The following COL28A1 variants were observed in gnomAD, a reference collection of about 807,000 sequenced individuals.
The protein encoded by COL28A1 is collagen alpha-1(XXVIII) chain.
COL28A1 carries 161 observed loss-of-function variants against 150.2 expected under a neutral mutation model. The observed-to-expected ratio is 1.07, with a 90% CI of 0.94 to 1.22. The LOEUF is 1.22. Among genes scored for constraint, COL28A1 ranks in the 50% most tolerant of loss-of-function variants. The probability of loss-of-function intolerance (pLI) is 0.00; values close to 1 mark genes in which losing one functional copy is unlikely to be tolerated. For missense variants in COL28A1, 1,617 were observed against 1,388.3 expected, an observed-to-expected ratio of 1.16 and a Z score of -2.62; for synonymous variants, 552 against 469.7, an observed-to-expected ratio of 1.18 and a Z score of -2.26.
chr7:7,516,202 T>C (rs1227527258), intron 7 of COL28A1, among the ~76,000 whole-genome samples: 2 of 152,234 alleles, frequency 1.3e-5, no homozygotes, highest in African/African-American at 4.8e-5. Context: ...TTTTAAACTA[T>C]GAACTATTGC....
chr7:7,494,706 G>C (rs1440002535), intron 11 of COL28A1, among the ~76,000 whole-genome samples: 1 of 152,170 alleles, frequency 6.6e-6, no homozygotes, highest in African/African-American at 2.4e-5. Context: ...CCTGCACTTT[G>C]CAGAAGCTTA....
At chr7:7,528,043 C>T (rs1782127516) in intron 3 of COL28A1, among the ~76,000 whole-genome samples, 1 of 152,050 alleles carries the variant, frequency 6.6e-6, no homozygotes, top group Admixed American at 6.5e-5. Context: ...ATTAAGAAAG[C>T]ATAGGATTCT....
intron 3 of COL28A1, among the ~76,000 whole-genome samples, chr7:7,528,633 C>A (rs1489997634): frequency 1.3e-5 from 2 of 152,086 alleles, no homozygotes; most frequent in African/African-American, 4.8e-5. Context: ...GTACAAGAAG[C>A]CTGACACAAA....
intron 15 of COL28A1, among the ~76,000 whole-genome samples, chr7:7,460,932 G>A (rs534538323): frequency 4.1e-4 from 63 of 152,180 alleles, no homozygotes; most frequent in African/African-American, 1.3e-3. Context: ...GCTCCCACTC[G>A]GATGGAAAGA....
intron 15 of COL28A1, among the ~76,000 whole-genome samples, chr7:7,460,043 C>T (rs894438352): frequency 5.9e-5 from 9 of 152,232 alleles, no homozygotes; most frequent in Non-Finnish European, 1.3e-4. Context: ...AATACTCAAT[C>T]CTAAACTTAT....
intron 27 of COL28A1, among the ~76,000 whole-genome samples, chr7:7,400,461 A>G (rs1394909923): frequency 3.3e-5 from 5 of 152,218 alleles, no homozygotes; most frequent in African/African-American, 1.2e-4. Context: ...AGAAGCTGGA[A>G]AAAACTAGGA....
At chr7:7,398,768 A>T (rs1254420180) in intron 27 of COL28A1, among the ~76,000 whole-genome samples, 1 of 152,170 alleles carries the variant, frequency 6.6e-6, no homozygotes, top group African/African-American at 2.4e-5. Context: ...CCTTTATGAC[A>T]GTTGACTCTG....
chr7:7,496,551 C>CT (rs142031621), intron 11 of COL28A1, among the ~76,000 whole-genome samples: 34 of 151,432 alleles, frequency 2.2e-4, no homozygotes, highest in Admixed American at 5.3e-4. Flanking sequence ...CACAATTAAT[C>CT]TTTTTTTTTA....
At chr7:7,533,580 A>G (rs1036557447) in intron 1 of COL28A1, among the ~76,000 whole-genome samples, 1 of 152,168 alleles carries the variant, frequency 6.6e-6, no homozygotes, top group Non-Finnish European at 1.5e-5. Context: ...CTTAAAAGCA[A>G]CACTCTTCTT....
intron 20 of COL28A1, among the ~76,000 whole-genome samples, 192 bp downstream of exon 20, chr7:7,443,393 G>C (rs1016361254): frequency 6.6e-6 from 1 of 151,796 alleles, no homozygotes; most frequent in African/African-American, 2.4e-5. Context: ...TCTTACAATA[G>C]ACGTTAGGAA....
chr7:7,485,860 T>C (rs1431677893), intron 13 of COL28A1, among the ~76,000 whole-genome samples: 1 of 152,190 alleles, frequency 6.6e-6, no homozygotes, highest in African/African-American at 2.4e-5. Flanking sequence ...TGTACCTATA[T>C]AATAAATCTT....
At chr7:7,383,992 C>T (rs1178208235) in intron 27 of COL28A1, among the ~76,000 whole-genome samples, 2 of 152,100 alleles carry the variant, frequency 1.3e-5, no homozygotes, top group Admixed American at 1.3e-4. Context: ...TTTTCACACA[C>T]CCATCCCTAA....
At chr7:7,528,467 A>G (rs1349420020) in intron 3 of COL28A1, among the ~76,000 whole-genome samples, 4 of 152,200 alleles carry the variant, frequency 2.6e-5, no homozygotes, top group Non-Finnish European at 5.9e-5. Flanking sequence ...GGCATCAAGG[A>G]ATTTGCAATG....
chr7:7,432,777 C>T (rs1350357388), intron 23 of COL28A1, 77 bp from the exon 24 acceptor site: 2 of 1,057,550 alleles, frequency 1.9e-6, no homozygotes, highest in Non-Finnish European at 1.5e-6. Context: ...ATAACACCAA[C>T]TCAATATGCC....
chr7:7,440,414 C>T (rs894315565), intron 21 of COL28A1, among the ~76,000 whole-genome samples: 1 of 152,174 alleles, frequency 6.6e-6, no homozygotes, highest in Non-Finnish European at 1.5e-5. Flanking sequence ...CAAAGAAGAG[C>T]CTTCATCATC....
chr7:7,460,387 GT>G (rs887745813), intron 15 of COL28A1, among the ~76,000 whole-genome samples: 37 of 145,034 alleles, frequency 2.6e-4, no homozygotes, highest in East Asian at 8.0e-4. Flanking sequence ...GTTTTTTGTT[GT>G]TTTTTTTTTT....
chr7:7,377,573 T>G (rs1362271967), intron 30 of COL28A1, among the ~76,000 whole-genome samples: 2 of 152,042 alleles, frequency 1.3e-5, no homozygotes, highest in African/African-American at 2.4e-5. Context: ...CATACTGCAT[T>G]ACAGTACTCG....
downstream of COL28A1, chr7:7,356,778 T>C (rs1014269538): frequency 6.6e-6 from 1 of 152,114 alleles, no homozygotes; most frequent in Non-Finnish European, 1.5e-5. Context: ...CACACCAACA[T>C]GGCACATGAA....
At position 7,358,744 on chromosome 7, in the gene COL28A1, A is replaced by G. The variant is rs1046724902; in HGVS notation, c.3267T>C (p.Tyr1089=). ...GNCGEYVVRW[Y]YDKQVNSCAR... ...CACAAGAGTTGACCTGTTTGTCATA[A>G]TACCATCGAACCACATATTCACCAC... Residue 1089 remains tyrosine, a synonymous_variant, in exon 35 of 35, where the codon TAT becomes TAC. Transcript: ENST00000399429. 2.5e-6 allele frequency: 4 copies of G among 1,613,958 alleles called. No homozygotes were observed. The African/African-American group carries it at 5.3e-5, about 22-fold the overall frequency.
Sources: gnomAD v4.1 joint callset for allele counts (sites outside exome capture counted in the v4.1 genomes callset) on GRCh38, gnomAD v4.1.1 for gene constraint, MANE v1.5 for transcripts, NCBI Gene and HGNC (gene_info 2026-07-23, HGNC 2026-07-21) for gene names.